The following TENM3 variants were observed in gnomAD, a reference collection of about 807,000 sequenced individuals.
The protein encoded by TENM3 is teneurin transmembrane protein 3.
TENM3 carries 63 observed loss-of-function variants against 255.1 expected under a neutral mutation model. The observed-to-expected ratio is 0.25, with a 90% confidence interval of 0.20 to 0.30. TENM3 has a LOEUF of 0.30. Ranked by LOEUF, TENM3 falls within the 10% of genes least tolerant of loss-of-function variation. The pLI is 1.00. For missense variants in TENM3, 2,929 were observed against 3,461.1 expected, an observed-to-expected ratio of 0.85 and a Z score of 3.86; for synonymous variants, 1,306 against 1,322.3, an observed-to-expected ratio of 0.99 and a Z score of 0.27.
At chr4:181,956,987 C>T in the TENM3 span, among the ~76,000 whole-genome samples, 68 of 152,216 alleles carry the variant, frequency 4.5e-4, no homozygotes, top group African/African-American at 1.5e-3. Flanking sequence ...AAACTTTAAG[C>T]GATAACTCTG....
chr4:181,973,590 G>GA, the TENM3 span, among the ~76,000 whole-genome samples: 612 of 151,714 alleles, frequency 4.0e-3, 18 homozygotes, highest in South Asian at 0.057. Context: ...GTCTCTACAA[G>GA]AAAAAAAATA....
rs577317300 is a variant in TENM3, at chr4:182,589,134, T to C, written c.512-11790T>C. On this transcript the variant is annotated intron_variant, in intron 3 of 27. Transcript: ENST00000511685. ...TTAGGAGCTTTGGAGAAAGCTGTTTTAGGAGCTCTAAAGAAAGCTCTATTC... is the reference window on the plus strand; with the variant it reads ...TTAGGAGCTTTGGAGAAAGCTGTTTCAGGAGCTCTAAAGAAAGCTCTATTC... Among the ~76,000 whole-genome samples the C allele has an allele frequency of 3.3e-5, 5 of 152,340 alleles. No homozygotes were observed. The South Asian group carries it at 8.3e-4, about 25-fold the overall frequency.
At chr4:182,787,757 A>G (rs910174520) in intron 24 of TENM3, among the ~76,000 whole-genome samples, 2 of 150,840 alleles carry the variant, frequency 1.3e-5, no homozygotes, top group African/African-American at 4.9e-5. Flanking sequence ...AAAAAAAAAA[A>G]AAAAAGATGT....
At chr4:181,872,250 T>C in the TENM3 span, among the ~76,000 whole-genome samples, 8 of 151,484 alleles carry the variant, frequency 5.3e-5, no homozygotes, top group African/African-American at 1.9e-4. Context: ...TATACATATA[T>C]AATATTTATA....
At chr4:182,730,740 A>G in intron 15 of TENM3, 138 bp from the exon 16 acceptor site, 9 of 973,414 alleles carry the variant, frequency 9.2e-6, no homozygotes, top group Non-Finnish European at 1.4e-5. Flanking sequence ...GAATATTCCC[A>G]TAGATCTGAA....
intron 3 of TENM3, among the ~76,000 whole-genome samples, chr4:182,486,316 G>GGC (rs1554074650): frequency 7.9e-5 from 2 of 25,338 alleles, no homozygotes. Context: ...AATTGTGTGT[G>GGC]GGGGGGAGGG....
intron 3 of TENM3, among the ~76,000 whole-genome samples, chr4:182,463,843 G>A (rs944850791): frequency 7.2e-5 from 11 of 151,782 alleles, no homozygotes; most frequent in African/African-American, 2.4e-4. Flanking sequence ...GGCTGGTCTC[G>A]AACTCCGACC....
chr4:182,257,434 T>C (rs1228340230), intron 1 of TENM3, among the ~76,000 whole-genome samples: 1 of 152,116 alleles, frequency 6.6e-6, no homozygotes, highest in African/African-American at 2.4e-5. Flanking sequence ...TAATGACTCT[T>C]TGGAATGGGT....
At chr4:181,859,341 T>C in the TENM3 span, among the ~76,000 whole-genome samples, 1 of 152,076 alleles carries the variant, frequency 6.6e-6, no homozygotes, top group African/African-American at 2.4e-5. Flanking sequence ...CCTTTCTTTA[T>C]ATAGCATTTA....
At chr4:182,747,832 A>G (rs1367054499) in intron 19 of TENM3, among the ~76,000 whole-genome samples, 1 of 152,200 alleles carries the variant, frequency 6.6e-6, no homozygotes, top group Non-Finnish European at 1.5e-5. Context: ...GCATGGAAAT[A>G]TCACACCCCA....
At chr4:181,693,225 A>G in the TENM3 span, among the ~76,000 whole-genome samples, 27 of 152,360 alleles carry the variant, frequency 1.8e-4, no homozygotes, top group African/African-American at 6.0e-4. Flanking sequence ...ACTGTACTTA[A>G]GAAAGAACTA....
At chr4:181,943,237 C>A in the TENM3 span, among the ~76,000 whole-genome samples, 2 of 152,068 alleles carry the variant, frequency 1.3e-5, no homozygotes, top group African/African-American at 4.8e-5. Flanking sequence ...TGTCAAGGTT[C>A]TCAGTGATGC....
At chr4:181,858,189 A>C in the TENM3 span, among the ~76,000 whole-genome samples, 1 of 152,242 alleles carries the variant, frequency 6.6e-6, no homozygotes, top group African/African-American at 2.4e-5. Context: ...GCAGCTCAAC[A>C]GATCTTCCCA....
At chr4:181,636,001 A>G in the TENM3 span, among the ~76,000 whole-genome samples, 5 of 152,160 alleles carry the variant, frequency 3.3e-5, no homozygotes, top group African/African-American at 1.2e-4. Flanking sequence ...ATACATGTAT[A>G]TATATGTACA....
the TENM3 span, among the ~76,000 whole-genome samples, chr4:181,593,950 G>A: frequency 2.0e-5 from 3 of 151,502 alleles, no homozygotes; most frequent in Non-Finnish European, 4.4e-5. Flanking sequence ...CTGACACAAC[G>A]GTCATTAAGA....
chr4:182,076,454 G>A, the TENM3 span, among the ~76,000 whole-genome samples: 2 of 151,690 alleles, frequency 1.3e-5, no homozygotes, highest in African/African-American at 2.4e-5. Flanking sequence ...CACCTGCCTC[G>A]GCCTCCCAAA....
the TENM3 span, among the ~76,000 whole-genome samples, chr4:182,105,853 A>G: frequency 1.3e-5 from 2 of 152,200 alleles, no homozygotes; most frequent in African/African-American, 4.8e-5. Context: ...AGGGAATGGG[A>G]TGATGAGGAA....
At chr4:181,983,733 GA>G in the TENM3 span, among the ~76,000 whole-genome samples, 1 of 151,930 alleles carries the variant, frequency 6.6e-6, no homozygotes, top group African/African-American at 2.4e-5. Flanking sequence ...CACTGGGACC[GA>G]TTTTTTTTCA....
chr4:182,250,869 CAACT>C (rs1186201403), intron 1 of TENM3, among the ~76,000 whole-genome samples: 5 of 152,306 alleles, frequency 3.3e-5, no homozygotes, highest in Non-Finnish European at 5.9e-5. Flanking sequence ...TCTCCCGCAC[CAACT>C]GTCACCTGAT....
Sources: gnomAD v4.1 joint callset for allele counts (sites outside exome capture counted in the v4.1 genomes callset) on GRCh38, gnomAD v4.1.1 for gene constraint, MANE v1.5 for transcripts, NCBI Gene and HGNC (gene_info 2026-07-23, HGNC 2026-07-21) for gene names.